HS6ST3: variants seen among roughly 807,000 people sequenced by gnomAD.
HS6ST3 encodes the protein heparan-sulfate 6-O-sulfotransferase 3.
In HS6ST3, 12 loss-of-function variants were observed where a neutral mutation model predicts 36.7. The observed-to-expected ratio is 0.33, with a 90% CI of 0.21 to 0.53. The LOEUF is 0.53. HS6ST3 is among the 20% of genes least tolerant of loss of function. The probability of loss-of-function intolerance (pLI) is 0.95; values close to 1 mark genes in which losing one functional copy is unlikely to be tolerated. For missense variants in HS6ST3, 584 were observed against 640.9 expected, an observed-to-expected ratio of 0.91 and a Z score of 0.96; for synonymous variants, 240 against 257.5, an observed-to-expected ratio of 0.93 and a Z score of 0.65.
intron 1 of HS6ST3, among the ~76,000 whole-genome samples, chr13:96,739,691 A>ACT (rs1876385709): frequency 6.6e-6 from 1 of 152,030 alleles, no homozygotes; most frequent in African/African-American, 2.4e-5. Context: ...TGACCATATA[A>ACT]TTGCAATGCT....
chr13:96,598,555 T>G (rs537292998), intron 1 of HS6ST3, among the ~76,000 whole-genome samples: 1 of 152,308 alleles, frequency 6.6e-6, no homozygotes, highest in African/African-American at 2.4e-5. Context: ...AGTTCATTTA[T>G]GAAATCAAGG....
intron 1 of HS6ST3, among the ~76,000 whole-genome samples, chr13:96,142,064 AG>A (rs2054034812): frequency 6.8e-6 from 1 of 147,366 alleles, no homozygotes; most frequent in South Asian, 2.1e-4. Flanking sequence ...AAGCTGGCCA[AG>A]GGAGGTGAAT....
chr13:96,131,472 T>G (rs1353451370), intron 1 of HS6ST3, among the ~76,000 whole-genome samples: 1 of 152,188 alleles, frequency 6.6e-6, no homozygotes, highest in Non-Finnish European at 1.5e-5. Flanking sequence ...ACTCATGACG[T>G]TTTGAAATAT....
At chr13:96,807,489 T>C (rs1046152746) in intron 1 of HS6ST3, among the ~76,000 whole-genome samples, 1 of 152,030 alleles carries the variant, frequency 6.6e-6, no homozygotes, top group Non-Finnish European at 1.5e-5. Flanking sequence ...GAGAATGCCA[T>C]ATGAAACGAA....
chr13:96,743,364 G>A (rs1000042197), intron 1 of HS6ST3, among the ~76,000 whole-genome samples: 4 of 152,038 alleles, frequency 2.6e-5, no homozygotes, highest in Non-Finnish European at 5.9e-5. Flanking sequence ...AGTCACTCGG[G>A]CAATCCCAAT....
chr13:96,600,980 C>T (rs999632084), intron 1 of HS6ST3, among the ~76,000 whole-genome samples: 1 of 152,066 alleles, frequency 6.6e-6, no homozygotes, highest in Admixed American at 6.6e-5. Context: ...TTTGAAGACA[C>T]TAAAGATAGG....
At chr13:96,348,248 G>A (rs1475006536) in intron 1 of HS6ST3, among the ~76,000 whole-genome samples, 1 of 152,218 alleles carries the variant, frequency 6.6e-6, no homozygotes, top group Non-Finnish European at 1.5e-5. Context: ...TATAGATTCT[G>A]CAAGAGTGAA....
intron 1 of HS6ST3, among the ~76,000 whole-genome samples, chr13:96,163,755 A>G (rs562738802): frequency 3.3e-5 from 5 of 152,316 alleles, no homozygotes; most frequent in African/African-American, 1.2e-4. Context: ...TTAAAGTACT[A>G]CTGCACGAAA....
rs1434984203 is a variant in HS6ST3, at chr13:96,256,066, T to TC, written c.707+164498dup. 2.0e-5 allele frequency among the ~76,000 whole-genome samples: 3 copies of TC among 152,366 alleles called. No individual in the cohort carries two copies. The East Asian group carries it at 5.8e-4, about 29-fold the overall frequency. On this transcript the variant is annotated intron_variant, in intron 1 of 1. Transcript: ENST00000376705. ...GCACTGACATTAGCATTTTTATTTT[T>TC]CTGTCTTCTAATCTGCTTCATAAAA...
intron 1 of HS6ST3, among the ~76,000 whole-genome samples, chr13:96,386,740 C>T (rs1341684293): frequency 6.6e-6 from 1 of 151,990 alleles, no homozygotes; most frequent in African/African-American, 2.4e-5. Flanking sequence ...GTGGGGCATG[C>T]CTGTAATCCC....
chr13:96,623,717 C>G (rs2056502921), intron 1 of HS6ST3, among the ~76,000 whole-genome samples: 1 of 152,168 alleles, frequency 6.6e-6, no homozygotes, highest in East Asian at 1.9e-4. Flanking sequence ...GAGCCCACCT[C>G]ACTTGTTGAG....
intron 1 of HS6ST3, among the ~76,000 whole-genome samples, chr13:96,687,191 C>T (rs72643897): frequency 7.6e-4 from 115 of 151,432 alleles, no homozygotes; most frequent in South Asian, 1.7e-3. Context: ...ATAATCTGTA[C>T]GGTGAGACCA....
At chr13:96,305,213 A>C (rs531765023) in intron 1 of HS6ST3, among the ~76,000 whole-genome samples, 1 of 152,150 alleles carries the variant, frequency 6.6e-6, no homozygotes. Context: ...GACAATGATA[A>C]ACTTGGTTGT....
intron 1 of HS6ST3, among the ~76,000 whole-genome samples, chr13:96,256,837 T>A (rs1199200391): frequency 6.6e-6 from 1 of 152,168 alleles, no homozygotes; most frequent in Admixed American, 6.5e-5. Context: ...GCATATTTTA[T>A]CATCCAAACC....
intron 1 of HS6ST3, among the ~76,000 whole-genome samples, chr13:96,801,722 G>T (rs1336939752): frequency 1.3e-5 from 2 of 152,050 alleles, no homozygotes; most frequent in African/African-American, 4.8e-5. Context: ...TGTCCCTCTT[G>T]CTGGTGCTCT....
chr13:96,822,649 A>C (rs890855244), intron 1 of HS6ST3, among the ~76,000 whole-genome samples: 1 of 152,232 alleles, frequency 6.6e-6, no homozygotes, highest in African/African-American at 2.4e-5. Context: ...ACTGATCATC[A>C]TTAAGGAATG....
At chr13:96,118,663 T>G (rs1322532594) in intron 1 of HS6ST3, among the ~76,000 whole-genome samples, 861 of 6,332 alleles carry the variant, frequency 0.14, 10 homozygotes, top group Non-Finnish European at 0.17. Context: ...TATATATATA[T>G]ATATATATAT....
chr13:96,182,490 A>T (rs978258480), intron 1 of HS6ST3, among the ~76,000 whole-genome samples: 14 of 152,338 alleles, frequency 9.2e-5, no homozygotes, highest in African/African-American at 3.4e-4. Flanking sequence ...CATGGGTAAT[A>T]TTCTTAAGTT....
At chr13:96,270,992 A>G (rs779594805) in intron 1 of HS6ST3, among the ~76,000 whole-genome samples, 13 of 152,040 alleles carry the variant, frequency 8.6e-5, no homozygotes, top group Non-Finnish European at 1.5e-4. Context: ...ATGCCTGGTT[A>G]TGGCAGAGTC....
Sources: gnomAD v4.1 joint callset for allele counts (sites outside exome capture counted in the v4.1 genomes callset) on GRCh38, gnomAD v4.1.1 for gene constraint, MANE v1.5 for transcripts, NCBI Gene and HGNC (gene_info 2026-07-23, HGNC 2026-07-21) for gene names.